The following IL1RAPL1 variants were observed in gnomAD, a reference collection of about 807,000 sequenced individuals.
The protein encoded by IL1RAPL1 is interleukin-1 receptor accessory protein-like 1.
In IL1RAPL1, 3 loss-of-function variants were observed where a neutral mutation model predicts 48.4. That is an observed-to-expected ratio of 0.06 (90% CI 0.03 to 0.16). The LOEUF (loss-of-function observed/expected upper bound fraction) is 0.16, where lower values mean the gene tolerates loss of function less well. Ranked by LOEUF, IL1RAPL1 falls within the 10% of genes least tolerant of loss-of-function variation. The pLI, the probability that IL1RAPL1 is intolerant of heterozygous loss-of-function variation, is 1.00. For missense variants in IL1RAPL1, 349 were observed against 530.6 expected (o/e 0.66, Z 3.36); for synonymous variants, 185 against 187.7 (o/e 0.99, Z 0.12).
intron 2 of IL1RAPL1, among the ~76,000 whole-genome samples, chrX:29,037,047 T>A (rs1435281907): frequency 1.8e-5 from 2 of 112,104 alleles, no homozygotes; most frequent in Non-Finnish European, 3.8e-5. Flanking sequence ...ATCTAAATAA[T>A]ATTTGTTGAG....
At chrX:28,903,793 A>T (rs868828241) in intron 2 of IL1RAPL1, among the ~76,000 whole-genome samples, 2 of 111,177 alleles carry the variant, frequency 1.8e-5, no homozygotes, top group Non-Finnish European at 3.8e-5. Context: ...TGGGCAAAAT[A>T]TTATATTCAT....
chrX:29,147,600 T>C (rs1191758125), intron 2 of IL1RAPL1, among the ~76,000 whole-genome samples: 1 of 111,548 alleles, frequency 9.0e-6, no homozygotes, highest in Non-Finnish European at 1.9e-5. Context: ...TTGTATCCTG[T>C]CTACCAGAGA....
chrX:29,102,595 G>A (rs1420439066), intron 2 of IL1RAPL1, among the ~76,000 whole-genome samples: 1 of 109,406 alleles, frequency 9.1e-6, no homozygotes, highest in Non-Finnish European at 1.9e-5. Context: ...GAACCCAGGA[G>A]GCAGAGGTTG....
chrX:29,037,189 C>A (rs1001655469), intron 2 of IL1RAPL1, among the ~76,000 whole-genome samples: 6 of 111,574 alleles, frequency 5.4e-5, no homozygotes, highest in Admixed American at 3.8e-4. Flanking sequence ...AATTTCTTGC[C>A]AGCTAAAAGA....
intron 3 of IL1RAPL1, among the ~76,000 whole-genome samples, chrX:29,382,802 G>A (rs994491908): frequency 4.5e-5 from 5 of 111,718 alleles, no homozygotes; most frequent in Admixed American, 1.9e-4. Context: ...AAGATTAACT[G>A]AATTTCAAAT....
Position 29,458,338 on chromosome X carries a change from T to G in IL1RAPL1, c.703+59030T>G, listed in dbSNP as rs184159478. Among the ~76,000 whole-genome samples the G allele has an allele frequency of 3.6e-3, 408 of 112,063 alleles. 4 individuals carry two copies. Among genetic ancestry groups the G allele is most frequent in the Non-Finnish European group, 5.3e-3 (284 of 53,256 alleles). On this transcript the variant is annotated intron_variant, in intron 5 of 10. Transcript: ENST00000378993. ...CTCTATTCTGAAAAATTCTGTCACG[T>G]ACCATAAATATTTTGTTGTAGTAAG... is the stretch of plus-strand genomic sequence containing the variant.
At position 29,330,938 on chromosome X, in the gene IL1RAPL1, G is replaced by A. The variant is rs760870184; in HGVS notation, c.362+47721G>A. Among the ~76,000 whole-genome samples, 22 of 111,531 alleles carry A rather than the reference G, an allele frequency of 2.0e-4. No homozygotes were observed. The South Asian group carries it at 5.3e-3, about 27-fold the overall frequency. Reference sequence around the variant, plus strand: ...TCCCAGCACTTTGGGAGGCCAAGGCGGGCAGATCACCTGAGGTCAGGAGTT... The same window carrying A: ...TCCCAGCACTTTGGGAGGCCAAGGCAGGCAGATCACCTGAGGTCAGGAGTT... On this transcript the variant is annotated intron_variant, in intron 3 of 10. Transcript: ENST00000378993.
At chrX:29,397,671 C>T (rs906618217) in intron 4 of IL1RAPL1, among the ~76,000 whole-genome samples, 1 of 111,103 alleles carries the variant, frequency 9.0e-6, no homozygotes, top group Admixed American at 9.6e-5. Flanking sequence ...TGTCTGACTT[C>T]CACAGGCAGA....
At chrX:28,964,355 T>C (rs1357175916) in intron 2 of IL1RAPL1, among the ~76,000 whole-genome samples, 5 of 111,942 alleles carry the variant, frequency 4.5e-5, no homozygotes, top group African/African-American at 9.7e-5. Context: ...TCTGCACATA[T>C]AGATTTCTTT....
intron 2 of IL1RAPL1, among the ~76,000 whole-genome samples, chrX:29,084,034 G>A (rs771136171): frequency 1.1e-3 from 118 of 111,307 alleles, no homozygotes; most frequent in Non-Finnish European, 1.9e-3. Flanking sequence ...AGGGATGGGC[G>A]CATCACTGAG....
At chrX:29,213,277 C>T (rs761518988) in intron 2 of IL1RAPL1, among the ~76,000 whole-genome samples, 17 of 112,356 alleles carry the variant, frequency 1.5e-4, no homozygotes, top group African/African-American at 5.2e-4. Flanking sequence ...GGATTACAGG[C>T]GTGAGCCACC....
At chrX:28,768,729 GTC>G (rs1203182036) in intron 1 of IL1RAPL1, among the ~76,000 whole-genome samples, 97 of 50,709 alleles carry the variant, frequency 1.9e-3, no homozygotes, top group South Asian at 5.0e-3. Flanking sequence ...CTCTCTCTCT[GTC>G]TCTCTCTCTC....
At chrX:29,460,465 A>G (rs973685028) in intron 5 of IL1RAPL1, among the ~76,000 whole-genome samples, 1 of 111,842 alleles carries the variant, frequency 8.9e-6, no homozygotes, top group Non-Finnish European at 1.9e-5. Flanking sequence ...CACTATGTCA[A>G]ACAAACATCA....
intron 1 of IL1RAPL1, among the ~76,000 whole-genome samples, chrX:28,588,731 T>C (rs766275399): frequency 1.8e-4 from 20 of 112,421 alleles, no homozygotes; most frequent in Non-Finnish European, 3.4e-4. Flanking sequence ...ATGGCTAACA[T>C]AGAGAAGAAT....
Position 29,657,132 on chromosome X carries a change from C to T in IL1RAPL1, c.704-11298C>T, listed in dbSNP as rs902208802. On this transcript the variant is annotated intron_variant, in intron 5 of 10. Transcript: ENST00000378993. ...ATCAACAGCTCCATGTTAACAATAGCTTTCTGTCTACCAGAAAATTGAACT... is the reference window on the plus strand; with the variant it reads ...ATCAACAGCTCCATGTTAACAATAGTTTTCTGTCTACCAGAAAATTGAACT... 4.5e-5 allele frequency among the ~76,000 whole-genome samples: 5 copies of T among 111,681 alleles called. No individual in the cohort carries two copies. In the Admixed American group the frequency reaches 4.8e-4, roughly 11 times the overall value.
intron 2 of IL1RAPL1, among the ~76,000 whole-genome samples, chrX:28,858,186 A>G (rs1921851024): frequency 8.9e-6 from 1 of 112,311 alleles, no homozygotes; most frequent in South Asian, 3.7e-4. Flanking sequence ...GTCACCTCTT[A>G]TGGATGAGCA....
intron 3 of IL1RAPL1, among the ~76,000 whole-genome samples, chrX:29,383,833 C>G (rs1024973847): frequency 8.9e-6 from 1 of 111,960 alleles, no homozygotes; most frequent in Non-Finnish European, 1.9e-5. Flanking sequence ...AAAAACCTAA[C>G]TCTGCTTTTA....
intron 2 of IL1RAPL1, among the ~76,000 whole-genome samples, chrX:29,184,158 A>C (rs1299016143): frequency 9.0e-6 from 1 of 111,682 alleles, no homozygotes; most frequent in Non-Finnish European, 1.9e-5. Flanking sequence ...TTCTATTATA[A>C]AATATACACC....
chrX:29,827,210 C>A (rs781189672), intron 6 of IL1RAPL1, among the ~76,000 whole-genome samples: 2 of 112,063 alleles, frequency 1.8e-5, no homozygotes, highest in Non-Finnish European at 3.8e-5. Context: ...CTTTGAGAAC[C>A]ACTGATCTAA....
Sources: allele counts gnomAD v4.1 joint callset (sites outside exome capture counted in the v4.1 genomes callset), GRCh38; gene constraint gnomAD v4.1.1; transcripts MANE v1.5; gene names NCBI Gene and HGNC (gene_info 2026-07-23, HGNC 2026-07-21).